Variants in TPRG1 observed in about 807,000 individuals in gnomAD.
The protein encoded by TPRG1 is tumor protein p63 regulated 1.
Under a neutral mutation model 29.3 loss-of-function variants are expected in TPRG1, and 29 were observed. The observed-to-expected ratio is 0.99, with a 90% confidence interval of 0.74 to 1.35. TPRG1 has a LOEUF of 1.35. Among genes scored for constraint, TPRG1 ranks in the 40% most tolerant of loss-of-function variants. TPRG1 has a pLI of 0.00. For missense variants in TPRG1, 327 were observed against 335.0 expected (o/e 0.98, Z 0.19); for synonymous variants, 130 against 116.8 (o/e 1.11, Z -0.73).
At chr3:189,176,722 A>T (rs1275019245) in intron 1 of TPRG1, among the ~76,000 whole-genome samples, 1 of 152,228 alleles carries the variant, frequency 6.6e-6, no homozygotes, top group Non-Finnish European at 1.5e-5. Flanking sequence ...CAGGAAGTGC[A>T]AAGGCCTTGA....
At chr3:189,037,253 A>C (rs1164329094) in intron 4 of TPRG1, among the ~76,000 whole-genome samples, 1 of 151,746 alleles carries the variant, frequency 6.6e-6, no homozygotes, top group African/African-American at 2.4e-5. Flanking sequence ...AAATCATTAG[A>C]TCACACACTA....
At chr3:189,049,889 A>G (rs1009050415) in intron 4 of TPRG1, among the ~76,000 whole-genome samples, 2 of 152,226 alleles carry the variant, frequency 1.3e-5, no homozygotes, top group African/African-American at 2.4e-5. Context: ...CTGAATGACA[A>G]TAATGACACA....
chr3:189,279,769 C>G (rs1259509392), intron 4 of TPRG1, among the ~76,000 whole-genome samples: 1 of 152,020 alleles, frequency 6.6e-6, no homozygotes, highest in Non-Finnish European at 1.5e-5. Flanking sequence ...GGCAGAATAC[C>G]CTGACTACTA....
At chr3:189,320,107 T>G (rs1194087592) in intron 5 of TPRG1, among the ~76,000 whole-genome samples, 1 of 152,084 alleles carries the variant, frequency 6.6e-6, no homozygotes, top group Non-Finnish European at 1.5e-5. Flanking sequence ...TTTATGAATA[T>G]TTTTTGTCTG....
chr3:189,141,713 C>A (rs1724589994), intron 3 of TPRG1, among the ~76,000 whole-genome samples: 1 of 152,134 alleles, frequency 6.6e-6, no homozygotes, highest in African/African-American at 2.4e-5. Flanking sequence ...CAATGAAGAG[C>A]AAAACATAGT....
chr3:189,263,568 A>G (rs1713520158), intron 4 of TPRG1, among the ~76,000 whole-genome samples: 4 of 152,112 alleles, frequency 2.6e-5, no homozygotes, highest in South Asian at 4.1e-4. Flanking sequence ...AGTTAAAACT[A>G]GTTTGAAAGC....
At chr3:189,095,795 T>C (rs1718634666), upstream of TPRG1, among the ~76,000 whole-genome samples, 1 of 152,220 alleles carries the variant, frequency 6.6e-6, no homozygotes, top group South Asian at 2.1e-4. Flanking sequence ...TCACAGCTTA[T>C]GTCTGTCTTT....
At chr3:189,007,950 T>A (rs1272520855) in intron 3 of TPRG1, among the ~76,000 whole-genome samples, 1 of 144,338 alleles carries the variant, frequency 6.9e-6, no homozygotes, top group African/African-American at 2.6e-5. Context: ...TAATGCTAGA[T>A]GACGAGTTAG....
At chr3:189,249,781 T>C (rs1244474746) in intron 4 of TPRG1, among the ~76,000 whole-genome samples, 2 of 151,858 alleles carry the variant, frequency 1.3e-5, no homozygotes, top group African/African-American at 4.8e-5. Flanking sequence ...AAACAGGGAG[T>C]CTCCCTGATG....
Position 189,321,036 on chromosome 3 carries a change from A to G in TPRG1, c.*216A>G. 1 of 411,334 alleles carries G rather than the reference A, an allele frequency of 2.4e-6. No homozygotes were observed. The highest frequency in any genetic ancestry group is 4.2e-6 in the Non-Finnish European group (1 of 236,462). The allele number at this position is 411,334 out of a possible 1,614,324, so 25.5% of individuals were successfully genotyped here. A position where few individuals can be genotyped will look rare whatever the true frequency, so the allele number is the denominator to read the frequency against. Reference sequence around the variant, plus strand: ...AGAATAATCAAATTTTCTTAAAACTAGAAAATAAATGCTGCTGAGCCTATC... The same window carrying G: ...AGAATAATCAAATTTTCTTAAAACTGGAAAATAAATGCTGCTGAGCCTATC... On this transcript the variant is annotated 3_prime_UTR_variant, in exon 6 of 6. Transcript: ENST00000345063.
intron 4 of TPRG1, among the ~76,000 whole-genome samples, chr3:189,063,077 CA>C (rs1289023643): frequency 1.3e-5 from 2 of 151,890 alleles, no homozygotes; most frequent in Non-Finnish European, 2.9e-5. Flanking sequence ...AAAAATTTAC[CA>C]TGCAAACTTT....
rs570989885 is a variant in TPRG1, at chr3:189,140,483, A to G, written c.-290-7101A>G. Among the ~76,000 whole-genome samples the G allele has an allele frequency of 5.3e-5, 8 of 152,268 alleles. No individual in the cohort carries two copies. In the South Asian group the frequency reaches 1.2e-3, roughly 24 times the overall value. The stretch of plus-strand genomic sequence containing the variant: ...CAAATCATTGCTATTACTTAGTATT[A>G]ATTACCTCTTCCTCACCAACCCTAT... On this transcript the variant is annotated intron_variant, in intron 3 of 6. Coordinates refer to the TPRG1 transcript ENST00000412373.
At chr3:189,064,884 A>C (rs1716336429) in intron 4 of TPRG1, among the ~76,000 whole-genome samples, 1 of 152,174 alleles carries the variant, frequency 6.6e-6, no homozygotes, top group Admixed American at 6.6e-5. Flanking sequence ...ATAATTTAAA[A>C]ACTAATAATT....
intron 4 of TPRG1, 42 bp downstream of exon 4, chr3:189,238,951 A>G (rs952871226): frequency 6.6e-7 from 1 of 1,510,704 alleles, no homozygotes; most frequent in African/African-American, 1.4e-5. Context: ...TGCAGCAGGG[A>G]TGGACCTGCA....
At chr3:189,175,978 C>T (rs948521022) in intron 1 of TPRG1, among the ~76,000 whole-genome samples, 1 of 152,156 alleles carries the variant, frequency 6.6e-6, no homozygotes, top group African/African-American at 2.4e-5. Flanking sequence ...TCTTGATATC[C>T]TGACCCTGGA....
At chr3:189,104,494 C>T (rs1237271282) in intron 1 of TPRG1, among the ~76,000 whole-genome samples, 6 of 152,022 alleles carry the variant, frequency 3.9e-5, no homozygotes, top group Admixed American at 2.0e-4. Context: ...CTTAAGTCAA[C>T]ATAAATATTA....
chr3:189,249,761 T>C (rs937927858), intron 4 of TPRG1, among the ~76,000 whole-genome samples: 1 of 152,020 alleles, frequency 6.6e-6, no homozygotes, highest in Non-Finnish European at 1.5e-5. Context: ...ATCCATTGAC[T>C]CCCTGATATA....
At chr3:189,057,075 CA>C (rs1294997817) in intron 4 of TPRG1, among the ~76,000 whole-genome samples, 1 of 152,208 alleles carries the variant, frequency 6.6e-6, no homozygotes, top group African/African-American at 2.4e-5. Context: ...TCACATCTAT[CA>C]TGCTTTCTCT....
At chr3:189,147,323 A>G (rs1423438572) in intron 3 of TPRG1, among the ~76,000 whole-genome samples, 1 of 152,182 alleles carries the variant, frequency 6.6e-6, no homozygotes, top group Non-Finnish European at 1.5e-5. Context: ...AGAAAGAGAA[A>G]ATCCATAGGG....
Sources: gnomAD v4.1 joint callset for allele counts (sites outside exome capture counted in the v4.1 genomes callset) on GRCh38, gnomAD v4.1.1 for gene constraint, MANE v1.5 for transcripts, NCBI Gene and HGNC (gene_info 2026-07-23, HGNC 2026-07-21) for gene names.